The following SLC4A4 variants were observed in gnomAD, a reference collection of about 807,000 sequenced individuals.
The protein encoded by SLC4A4 is solute carrier family 4 member 4, also known as electrogenic sodium bicarbonate cotransporter 1.
Under a neutral mutation model 111.5 loss-of-function variants are expected in SLC4A4, and 27 were observed. That is an observed-to-expected ratio of 0.24 (90% CI 0.18 to 0.33). SLC4A4 has a LOEUF of 0.33. SLC4A4 is among the 10% of genes least tolerant of loss of function. The pLI is 1.00. For synonymous variants in SLC4A4, 443 were observed against 463.4 expected, an observed-to-expected ratio of 0.96 and a Z score of 0.57; for missense variants, 909 against 1,315.5, an observed-to-expected ratio of 0.69 and a Z score of 4.78.
chr4:71,385,171 T>TTATATATATA (rs199563560), intron 6 of SLC4A4, among the ~76,000 whole-genome samples: 34 of 40,022 alleles, frequency 8.5e-4, no homozygotes, highest in African/African-American at 1.8e-3. Context: ...TAGGTTAGAT[T>TTATATATATA]TATATATATA....
chr4:71,207,600 A>G (rs1553962558), intron 1 of SLC4A4, among the ~76,000 whole-genome samples: 1 of 152,214 alleles, frequency 6.6e-6, no homozygotes, highest in Non-Finnish European at 1.5e-5. Flanking sequence ...GCCTTAGATG[A>G]TAATTTTTCT....
At chr4:71,109,524 C>T (rs1377265940) in intron 2 of SLC4A4, among the ~76,000 whole-genome samples, 5 of 151,678 alleles carry the variant, frequency 3.3e-5, no homozygotes, top group Non-Finnish European at 5.9e-5. Flanking sequence ...GGACAGGGTC[C>T]TTTATTTTTA....
chr4:71,371,286 C>A (rs1731852634), intron 6 of SLC4A4, among the ~76,000 whole-genome samples: 1 of 148,794 alleles, frequency 6.7e-6, no homozygotes, highest in Admixed American at 6.7e-5. Context: ...CTCTGTTTCC[C>A]AGGCTAGAGT....
intron 2 of SLC4A4, among the ~76,000 whole-genome samples, chr4:71,153,227 G>A (rs2148973196): frequency 6.6e-6 from 1 of 151,678 alleles, no homozygotes; most frequent in South Asian, 2.1e-4. Flanking sequence ...TAGGCTGGGA[G>A]GCTAGGCTTT....
At chr4:71,190,385 TACACAC>T (rs5859253) in intron 1 of SLC4A4, among the ~76,000 whole-genome samples, 11,335 of 143,382 alleles carry the variant, frequency 0.079, 451 homozygotes, top group Middle Eastern at 0.14. Context: ...TATGTATGTT[TACACAC>T]ACACACACAC....
chr4:71,182,606 A>G (rs1745327954), upstream of SLC4A4, among the ~76,000 whole-genome samples: 1 of 152,164 alleles, frequency 6.6e-6, no homozygotes, highest in Non-Finnish European at 1.5e-5. Flanking sequence ...GTGGCCTGCT[A>G]TGTAGGCCCA....
At chr4:71,344,719 T>G (rs1009082673) in intron 4 of SLC4A4, among the ~76,000 whole-genome samples, 1 of 152,200 alleles carries the variant, frequency 6.6e-6, no homozygotes, top group Non-Finnish European at 1.5e-5. Flanking sequence ...AGTTGGCTAA[T>G]GATTTCTTAC....
intron 2 of SLC4A4, among the ~76,000 whole-genome samples, chr4:71,171,159 G>T (rs1346822750): frequency 8.8e-5 from 13 of 148,294 alleles, no homozygotes; most frequent in African/African-American, 3.0e-4. Context: ...TGTTTGTTTT[G>T]TTTTTTTTTT....
chr4:71,451,138 G>C (rs763650150), intron 10 of SLC4A4, 50 bp from the exon 11 acceptor site: 1 of 1,199,196 alleles, frequency 8.3e-7, no homozygotes, highest in East Asian at 2.3e-5. Context: ...GCTAAGAAGC[G>C]AATGAATAAA....
chr4:71,315,930 C>T (rs1447595288), intron 3 of SLC4A4, among the ~76,000 whole-genome samples: 3 of 152,212 alleles, frequency 2.0e-5, no homozygotes, highest in African/African-American at 4.8e-5. Flanking sequence ...GACAGTGGTA[C>T]AATCTTTAGC....
chr4:71,491,984 G>C (rs571960831), intron 15 of SLC4A4, among the ~76,000 whole-genome samples: 10 of 150,596 alleles, frequency 6.6e-5, no homozygotes, highest in Non-Finnish European at 1.5e-4. Context: ...ATACTACCCA[G>C]AGATGCTGTT....
intron 2 of SLC4A4, among the ~76,000 whole-genome samples, chr4:71,093,134 A>C (rs955885958): frequency 1.3e-5 from 2 of 152,030 alleles, no homozygotes; most frequent in Non-Finnish European, 2.9e-5. Flanking sequence ...GGCAAAAACC[A>C]GTCTTGTATT....
At chr4:71,076,002 TA>T (rs936119707) in intron 1 of SLC4A4, among the ~76,000 whole-genome samples, 15 of 145,432 alleles carry the variant, frequency 1.0e-4, no homozygotes, top group Non-Finnish European at 3.0e-5. Flanking sequence ...AATAAATAAA[TA>T]AATAGCAATC....
chr4:71,145,153 A>C (rs1487325215), intron 2 of SLC4A4, among the ~76,000 whole-genome samples: 1 of 152,178 alleles, frequency 6.6e-6, no homozygotes, highest in Non-Finnish European at 1.5e-5. Flanking sequence ...AGTTTTTAGC[A>C]TGAAGGGGTG....
At chr4:71,418,803 T>A (rs1329620886) in intron 7 of SLC4A4, among the ~76,000 whole-genome samples, 2 of 152,212 alleles carry the variant, frequency 1.3e-5, no homozygotes, top group Non-Finnish European at 2.9e-5. Context: ...TTTTCCTATG[T>A]AGTCTTAGAA....
chr4:71,250,808 T>C (rs1326970855), intron 2 of SLC4A4, among the ~76,000 whole-genome samples: 1 of 152,220 alleles, frequency 6.6e-6, no homozygotes, highest in Non-Finnish European at 1.5e-5. Context: ...TGAAGCACTG[T>C]ACTAGTCTTG....
chr4:71,231,489 G>A (rs1466565167), intron 1 of SLC4A4, among the ~76,000 whole-genome samples: 2 of 152,224 alleles, frequency 1.3e-5, no homozygotes, highest in Non-Finnish European at 2.9e-5. Context: ...TTAAATCATT[G>A]TGGTGTCCCA....
chr4:71,256,234 T>G (rs1206726463), intron 3 of SLC4A4, among the ~76,000 whole-genome samples: 1 of 152,172 alleles, frequency 6.6e-6, no homozygotes, highest in Non-Finnish European at 1.5e-5. Flanking sequence ...CTTCATGTCT[T>G]TGCTACAGTT....
At chr4:71,478,596 C>G (rs113034933) in intron 14 of SLC4A4, among the ~76,000 whole-genome samples, 1 of 144,034 alleles carries the variant, frequency 6.9e-6, no homozygotes, top group African/African-American at 2.5e-5. Flanking sequence ...CATCACACAC[C>G]GGGGTCTGTT....
Sources: gnomAD v4.1 joint callset for allele counts (sites outside exome capture counted in the v4.1 genomes callset) on GRCh38, gnomAD v4.1.1 for gene constraint, MANE v1.5 for transcripts, NCBI Gene and HGNC (gene_info 2026-07-23, HGNC 2026-07-21) for gene names.